The following NOTCH2 variants were observed in gnomAD, a reference collection of about 807,000 sequenced individuals.
NOTCH2 encodes notch receptor 2.
In NOTCH2, 29 loss-of-function variants were observed where a neutral mutation model predicts 235.8. The observed-to-expected ratio is 0.12, with a 90% CI of 0.09 to 0.17. The LOEUF (loss-of-function observed/expected upper bound fraction) is 0.17, where lower values mean the gene tolerates loss of function less well. NOTCH2 is among the 10% of genes least tolerant of loss of function. The pLI, the probability that NOTCH2 is intolerant of heterozygous loss-of-function variation, is 1.00. For missense variants in NOTCH2, 2,285 were observed against 3,150.2 expected (o/e 0.73, Z 6.57); for synonymous variants, 1,086 against 1,141.5 (o/e 0.95, Z 0.98).
intron 2 of NOTCH2, among the ~76,000 whole-genome samples, chr1:120,015,307 T>C (rs1242541352): frequency 6.6e-6 from 1 of 152,206 alleles, no homozygotes; most frequent in Non-Finnish European, 1.5e-5. Context: ...GCTGGGCCTC[T>C]TGGCCCCCCA....
intron 22 of NOTCH2, among the ~76,000 whole-genome samples, chr1:119,933,027 A>G (rs587754006): frequency 6.6e-6 from 1 of 152,336 alleles, no homozygotes; most frequent in East Asian, 1.9e-4. Flanking sequence ...TGAAAACAAA[A>G]AAGTAAAAAC....
In NOTCH2 at chr1:119,965,464, T is replaced by C; in HGVS notation, c.1670A>G (p.Gln557Arg). Residue 557 changes from glutamine to arginine, a missense_variant, in exon 10 of 34, where the codon CAG becomes CGG. This residue lies in a region of NOTCH2 where 431 missense variants were observed against 757.8 expected (regional missense o/e 0.57). Transcript: ENST00000256646. ...CIDHPNGYEC[Q>R]CATGFTGVLC... ...GAGAAGAATCTTACCTGTGGCACAC[T>C]GGCATTCATAGCCATTCGGGTGATC... 1 of 1,612,962 alleles carries C rather than the reference T, an allele frequency of 6.2e-7. No individual in the cohort carries two copies. Among genetic ancestry groups the C allele is most frequent in the East Asian group, 2.2e-5 (1 of 44,886 alleles).
chr1:120,005,307 T>C (rs1241799695), intron 3 of NOTCH2, 22 bp downstream of exon 3: 8 of 1,613,920 alleles, frequency 5.0e-6, no homozygotes, highest in Non-Finnish European at 5.9e-6. Flanking sequence ...AGGAAACCAC[T>C]GGCTTTGGTC....
chr1:119,963,180 T>TAGGAAGGAAAGA (rs1553199234), intron 11 of NOTCH2, among the ~76,000 whole-genome samples: 3 of 144,746 alleles, frequency 2.1e-5, no homozygotes, highest in African/African-American at 5.1e-5. Context: ...GGAAGGTAGG[T>TAGGAAGGAAAGA]AGGAAGGAAG....
chr1:119,931,837 T>C (rs2101174765), intron 22 of NOTCH2, among the ~76,000 whole-genome samples: 1 of 151,776 alleles, frequency 6.6e-6, no homozygotes, highest in Non-Finnish European at 1.5e-5. Flanking sequence ...AAATTCAACT[T>C]GATTAAAAAG....
rs749662716 is a variant in NOTCH2, at chr1:119,955,071, T to C, written c.2188A>G (p.Ile730Val). The change falls in exon 13 of 34, where the codon ATC becomes GTC. Residue 730 changes from isoleucine (I) to valine (V), a missense_variant. Ile to Val is a conservative substitution (Grantham distance 29, BLOSUM62 3). Around this residue, in one of 6 missense-constraint regions of NOTCH2, gnomAD observed 1,173 missense variants for 1,515.3 expected, o/e 0.77. Coordinates refer to ENST00000256646, the MANE Select transcript of NOTCH2 (RefSeq NM_024408.4). ...QVNECLSNPC[I>V]HGNCTGGLSG... is the part of the protein sequence containing the mutation. The stretch of plus-strand genomic sequence containing the variant: ...AGACCTCCAGTACAGTTTCCATGGA[T>C]GCAGGGATTGCTCAGGCATTCGTTC... The C allele has an allele frequency of 1.2e-6, 2 of 1,613,922 alleles. No homozygotes were observed. Among genetic ancestry groups the C allele is most frequent in the Non-Finnish European group, 1.7e-6 (2 of 1,179,980 alleles).
rs770222404 is a variant in NOTCH2 at position 119,925,593 on chromosome 1, C to A, written c.4223G>T (p.Gly1408Val). The A allele has an allele frequency of 6.2e-7, 1 of 1,614,012 alleles. No individual in the cohort carries two copies. The highest frequency in any genetic ancestry group is 8.5e-7 in the Non-Finnish European group (1 of 1,180,010). The stretch of plus-strand genomic sequence containing the variant: ...TGCCGTGTAGAGTTCACAGCGGCTA[C>A]CCGAGAATGGTGGGGCACACTGGCA... ...YSCQCAPPFSGSRCELYTAPP... is the reference protein window; with the variant it reads ...YSCQCAPPFSVSRCELYTAPP... The change falls in exon 25 of 34, where the codon GGT (glycine) becomes GTT (valine). Residue 1408 changes from glycine (G) to valine (V), a missense_variant. Transcript: ENST00000256646.
intron 26 of NOTCH2, 79 bp from the exon 27 acceptor site, chr1:119,922,857 T>C: frequency 6.3e-7 from 1 of 1,578,732 alleles, no homozygotes; most frequent in South Asian, 1.1e-5. Flanking sequence ...GAACATGTCA[T>C]AAAGGGTGAC....
At chr1:119,919,915 A>T (rs1378069707) in intron 30 of NOTCH2, among the ~76,000 whole-genome samples, 3 of 152,244 alleles carry the variant, frequency 2.0e-5, no homozygotes, top group Middle Eastern at 3.2e-3. Context: ...TATTAATAGA[A>T]CAATTAATAC....
At chr1:119,957,792 A>G (rs1650760310) in intron 12 of NOTCH2, among the ~76,000 whole-genome samples, 1 of 150,560 alleles carries the variant, frequency 6.6e-6, no homozygotes, top group African/African-American at 2.4e-5. Context: ...ATTCATTGGC[A>G]TTCTGAAAAA....
Position 120,005,424 on chromosome 1 carries a change from T to C in NOTCH2, c.320A>G (p.His107Arg), listed in dbSNP as rs782099288. The C allele has an allele frequency of 6.2e-7, 1 of 1,601,250 alleles. No homozygotes were observed. The highest frequency in any genetic ancestry group is 8.6e-7 in the Non-Finnish European group (1 of 1,168,932). ...GCAGGGTCGAGACACAAAGCATGGATGAGATGTTGAGTACTGGCAGTCCTC... is the reference window on the plus strand; with the variant it reads ...GCAGGGTCGAGACACAAAGCATGGACGAGATGTTGAGTACTGGCAGTCCTC... ...TGEDCQYSTS[H>R]PCFVSRPCLN... Residue 107 changes from histidine to arginine, a missense_variant, in exon 3 of 34, where the codon CAT becomes CGT. His to Arg is a conservative substitution (Grantham distance 29, BLOSUM62 0). Around this residue, in one of 6 missense-constraint regions of NOTCH2, gnomAD observed 431 missense variants for 757.8 expected, o/e 0.57. Coordinates refer to ENST00000256646, the MANE Select transcript of NOTCH2 (RefSeq NM_024408.4).
At chr1:119,933,436 C>A (rs587626601) in intron 22 of NOTCH2, among the ~76,000 whole-genome samples, 11 of 152,108 alleles carry the variant, frequency 7.2e-5, no homozygotes, top group African/African-American at 2.7e-4. Context: ...TAAAATAATC[C>A]AAGGAACTGT....
chr1:120,006,064 G>C lies in NOTCH2; in HGVS notation c.156-476C>G, dbSNP rs587617855. Among the ~76,000 whole-genome samples the C allele has an allele frequency of 1.9e-3, 289 of 151,814 alleles. 1 individual carries two copies. Among genetic ancestry groups the C allele is most frequent in the African/African-American group, 6.8e-3 (282 of 41,346 alleles). On this transcript the variant is annotated intron_variant, in intron 2 of 33. Transcript: ENST00000256646. ...ATCCCCTCCAATTTAAAATATGTAA[G>C]ATATCATGTGCTTTTCCTCAATTAA... is the stretch of plus-strand genomic sequence containing the variant.
intron 5 of NOTCH2, among the ~76,000 whole-genome samples, chr1:119,971,897 A>G (rs1284854326): frequency 6.6e-6 from 1 of 152,142 alleles, no homozygotes; most frequent in Non-Finnish European, 1.5e-5. Flanking sequence ...AGGCTGTGTC[A>G]ACTGCATCCC....
chr1:119,923,090 T>G (rs1416996981), intron 26 of NOTCH2, among the ~76,000 whole-genome samples: 1 of 152,216 alleles, frequency 6.6e-6, no homozygotes, highest in Non-Finnish European at 1.5e-5. Flanking sequence ...TCAGTGGTCT[T>G]CTTCCACTCT....
intron 22 of NOTCH2, among the ~76,000 whole-genome samples, chr1:119,934,415 A>G (rs1553195507): frequency 6.6e-6 from 1 of 152,254 alleles, no homozygotes; most frequent in African/African-American, 2.4e-5. Flanking sequence ...CCTAACCAGT[A>G]CAGTTTCTCA....
intron 3 of NOTCH2, among the ~76,000 whole-genome samples, chr1:120,003,236 G>A (rs1374951497): frequency 2.0e-4 from 31 of 151,670 alleles, no homozygotes; most frequent in Admixed American, 9.2e-4. Context: ...CTCAAATATC[G>A]AACCCCAAGT....
intron 3 of NOTCH2, among the ~76,000 whole-genome samples, chr1:120,001,358 C>T (rs587651987): frequency 1.3e-5 from 2 of 151,952 alleles, no homozygotes; most frequent in African/African-American, 2.4e-5. Flanking sequence ...GTTGGATGAC[C>T]GATTTGCACA....
intron 5 of NOTCH2, among the ~76,000 whole-genome samples, chr1:119,970,577 A>G (rs1269398614): frequency 3.9e-5 from 6 of 152,242 alleles, no homozygotes; most frequent in African/African-American, 1.2e-4. Flanking sequence ...GAAGCTAAAC[A>G]TGAGCCCACA....
Sources: gnomAD v4.1 joint callset for allele counts (sites outside exome capture counted in the v4.1 genomes callset) on GRCh38, gnomAD v4.1.1 for gene constraint, gnomAD v4.1.1 regional missense constraint, MANE v1.5 for transcripts, NCBI Gene and HGNC (gene_info 2026-07-23, HGNC 2026-07-21) for gene names.